Variants in SEMA6D observed in about 807,000 individuals in gnomAD.
SEMA6D encodes the protein semaphorin-6D.
A neutral mutation model predicts 106.6 loss-of-function variants in SEMA6D; 35 were observed. The observed-to-expected ratio is 0.33, with a 90% CI of 0.25 to 0.44. SEMA6D has a LOEUF of 0.44. Ranked by LOEUF, SEMA6D falls within the 20% of genes least tolerant of loss-of-function variation. The probability of loss-of-function intolerance (pLI) is 1.00; values close to 1 mark genes in which losing one functional copy is unlikely to be tolerated. For synonymous variants in SEMA6D, 499 were observed against 487.7 expected, an observed-to-expected ratio of 1.02 and a Z score of -0.31; for missense variants, 1,185 against 1,345.9, an observed-to-expected ratio of 0.88 and a Z score of 1.87.
chr15:47,330,801 G>C (rs1016832044), intron 1 of SEMA6D, among the ~76,000 whole-genome samples: 45 of 152,202 alleles, frequency 3.0e-4, no homozygotes, highest in Admixed American at 1.7e-3. Flanking sequence ...TGACTTTCAA[G>C]TGGGCTTTGA....
intron 1 of SEMA6D, among the ~76,000 whole-genome samples, chr15:47,188,931 A>G (rs1001174771): frequency 6.6e-6 from 1 of 152,198 alleles, no homozygotes; most frequent in Non-Finnish European, 1.5e-5. Context: ...CAACATGTGC[A>G]TACATCTGTT....
At chr15:47,393,045 A>C (rs2040092789) in intron 1 of SEMA6D, among the ~76,000 whole-genome samples, 1 of 152,244 alleles carries the variant, frequency 6.6e-6, no homozygotes, top group African/African-American at 2.4e-5. Context: ...TGGCTTCGCC[A>C]GTCCCAAAGA....
chr15:47,694,361 A>G (rs1177507737), intron 4 of SEMA6D, among the ~76,000 whole-genome samples: 1 of 152,136 alleles, frequency 6.6e-6, no homozygotes, highest in African/African-American at 2.4e-5. Context: ...ATAGAAATTC[A>G]TTGGTCTACC....
chr15:47,338,536 GA>G (rs1258140640), intron 1 of SEMA6D, among the ~76,000 whole-genome samples: 1 of 151,848 alleles, frequency 6.6e-6, no homozygotes, highest in Non-Finnish European at 1.5e-5. Flanking sequence ...AATTAAATTA[GA>G]AAAAAATTAT....
intron 1 of SEMA6D, among the ~76,000 whole-genome samples, chr15:47,379,189 T>C (rs1263227581): frequency 1.3e-5 from 2 of 152,244 alleles, no homozygotes; most frequent in Admixed American, 1.3e-4. Context: ...TTTACATTTC[T>C]CTGACCAAAT....
At position 47,764,041 on chromosome 15, in the gene SEMA6D, C is replaced by G. The variant is rs373441957; in HGVS notation, c.939C>G (p.Val313=). 6.2e-7 allele frequency: 1 copy of G among 1,613,840 alleles called. No individual in the cohort carries two copies. Residue 313 remains valine, a synonymous_variant, in exon 10 of 19, where the codon GTC becomes GTG. Coordinates refer to ENST00000536845, the MANE Select transcript of SEMA6D (RefSeq NM_001358351.3). ...IIQINGIPTV[V]GVFTTQLNSI... is the part of the protein sequence containing the mutation. ...AAATCAATGGCATCCCCACTGTGGT[C>G]GGGGTGTTTACCACGCAGCTCAATA...
intron 1 of SEMA6D, among the ~76,000 whole-genome samples, chr15:47,222,029 G>A (rs547725205): frequency 5.3e-5 from 8 of 151,714 alleles, no homozygotes; most frequent in African/African-American, 9.7e-5. Context: ...ACAGACACAC[G>A]CATGCACACG....
At chr15:47,387,119 G>A (rs1450292066) in intron 1 of SEMA6D, among the ~76,000 whole-genome samples, 1 of 152,164 alleles carries the variant, frequency 6.6e-6, no homozygotes. Flanking sequence ...ATCCCCAGAG[G>A]TAAGTTGCCT....
chr15:47,623,947 C>A (rs919592384), intron 4 of SEMA6D, among the ~76,000 whole-genome samples: 2 of 152,140 alleles, frequency 1.3e-5, no homozygotes, highest in Non-Finnish European at 2.9e-5. Context: ...AAAAATCCTT[C>A]GATGTGTCCC....
intron 3 of SEMA6D, among the ~76,000 whole-genome samples, chr15:47,505,485 G>GCTCAA (rs2044009320): frequency 2.6e-5 from 4 of 152,072 alleles, no homozygotes; most frequent in Non-Finnish European, 5.9e-5. Context: ...GAACATTTGG[G>GCTCAA]GACAATATGA....
Position 47,766,886 on chromosome 15 carries a change from G to A in SEMA6D, c.1709-151G>A, listed in dbSNP as rs902160152. 9 of 596,990 alleles carry A rather than the reference G, an allele frequency of 1.5e-5. No individual in the cohort carries two copies. The African/African-American group carries it at 1.7e-4, about 11-fold the overall frequency. The allele number at this position is 596,990 out of a possible 1,614,324, so 37.0% of individuals were successfully genotyped here. On this transcript the variant is annotated intron_variant, in intron 16 of 18. Coordinates refer to ENST00000536845, the MANE Select transcript of SEMA6D (RefSeq NM_001358351.3). ...TTCCTTCACCATTTACAATTTTGTAGGAAATCTAGAGAGAGGTAGTCTAAC... is the reference window on the plus strand; with the variant it reads ...TTCCTTCACCATTTACAATTTTGTAAGAAATCTAGAGAGAGGTAGTCTAAC...
chr15:47,409,116 C>T (rs990574567), intron 1 of SEMA6D, among the ~76,000 whole-genome samples: 1 of 152,216 alleles, frequency 6.6e-6, no homozygotes, highest in African/African-American at 2.4e-5. Context: ...GGAACACTTC[C>T]TGAAGACACC....
At chr15:47,711,133 C>G (rs1376448072) in intron 4 of SEMA6D, among the ~76,000 whole-genome samples, 2 of 151,390 alleles carry the variant, frequency 1.3e-5, no homozygotes, top group African/African-American at 4.9e-5. Flanking sequence ...AACGGTGAAA[C>G]CCCGTCTCTA....
chr15:47,301,260 G>A (rs761831340), intron 1 of SEMA6D, among the ~76,000 whole-genome samples: 3 of 152,216 alleles, frequency 2.0e-5, no homozygotes, highest in Non-Finnish European at 4.4e-5. Context: ...AAGGCAAATA[G>A]TGTAAATAGT....
intron 1 of SEMA6D, among the ~76,000 whole-genome samples, chr15:47,727,546 A>C (rs542941289): frequency 6.6e-6 from 1 of 152,350 alleles, no homozygotes; most frequent in Non-Finnish European, 1.5e-5. Flanking sequence ...TAGTAGATCT[A>C]AGACCTCTTG....
rs536710566 is a variant in SEMA6D, at chr15:47,205,686, G to A, written c.-239+21268G>A. 4.6e-5 allele frequency among the ~76,000 whole-genome samples: 7 copies of A among 152,120 alleles called. No individual in the cohort carries two copies. In the South Asian group the frequency reaches 1.0e-3, roughly 23 times the overall value. ...AGCCACAGATATATTTATATGCATGGCATTATATATTCTTTTATGAAAACA... is the reference window on the plus strand; with the variant it reads ...AGCCACAGATATATTTATATGCATGACATTATATATTCTTTTATGAAAACA... On this transcript the variant is annotated intron_variant, in intron 1 of 19. Coordinates refer to the SEMA6D transcript ENST00000558014.
intron 3 of SEMA6D, among the ~76,000 whole-genome samples, chr15:47,489,215 G>T (rs760235576): frequency 1.3e-5 from 2 of 152,088 alleles, no homozygotes; most frequent in African/African-American, 2.4e-5. Flanking sequence ...ACTTGGAGCC[G>T]CCAGAAGCTG....
intron 3 of SEMA6D, among the ~76,000 whole-genome samples, chr15:47,494,887 T>C (rs1322613370): frequency 2.0e-5 from 3 of 149,404 alleles, no homozygotes; most frequent in African/African-American, 7.4e-5. Flanking sequence ...ATTGCTAGCA[T>C]TTATATTTGC....
intron 1 of SEMA6D, among the ~76,000 whole-genome samples, chr15:47,721,292 A>C (rs942755760): frequency 6.6e-6 from 1 of 152,250 alleles, no homozygotes; most frequent in African/African-American, 2.4e-5. Flanking sequence ...GGTGCAGCCT[A>C]CCTGCCTTTA....
Sources: allele counts gnomAD v4.1 joint callset (sites outside exome capture counted in the v4.1 genomes callset), GRCh38; gene constraint gnomAD v4.1.1; transcripts MANE v1.5; gene names NCBI Gene and HGNC (gene_info 2026-07-23, HGNC 2026-07-21).